Variants in DENND4A observed in about 807,000 individuals in gnomAD.
The protein encoded by DENND4A is C-myc promoter-binding protein.
DENND4A carries 70 observed loss-of-function variants against 199.3 expected under a neutral mutation model. The observed-to-expected ratio is 0.35, with a 90% CI of 0.29 to 0.43. The LOEUF (loss-of-function observed/expected upper bound fraction) is 0.43. Among genes scored for constraint, DENND4A ranks in the 20% least tolerant of loss-of-function variants. The pLI is 1.00. For missense variants in DENND4A, 1,723 were observed against 2,255.8 expected, an observed-to-expected ratio of 0.76 and a Z score of 4.78; for synonymous variants, 686 against 766.9, an observed-to-expected ratio of 0.89 and a Z score of 1.74.
In DENND4A at chr15:65,729,621, T is replaced by G; in HGVS notation, c.1224A>C (p.Leu408=). ...TATGTTCTGTTACTGCAAACACCAG[T>G]AGTGTCACAGCATTTTCAGGGCCTA... The part of the protein sequence containing the change: ...QNLGPENAVT[L]LVFAVTEHKI... Residue 408 remains leucine, a synonymous_variant, in exon 10 of 33, where the codon CTA becomes CTC. Coordinates refer to ENST00000443035, the MANE Select transcript of DENND4A (RefSeq NM_001320835.1). 1 of 1,578,046 alleles carries G rather than the reference T, an allele frequency of 6.3e-7. No individual in the cohort carries two copies.
At chr15:65,682,891 TC>T (rs1241188016) in intron 23 of DENND4A, among the ~76,000 whole-genome samples, 1 of 152,148 alleles carries the variant, frequency 6.6e-6, no homozygotes, top group African/African-American at 2.4e-5. Flanking sequence ...TGGTGGACAG[TC>T]AGAAATTACA....
chr15:65,721,855 A>T (rs570834396), intron 12 of DENND4A, among the ~76,000 whole-genome samples: 3 of 152,184 alleles, frequency 2.0e-5, no homozygotes, highest in South Asian at 4.1e-4. Flanking sequence ...CTGCTATAAT[A>T]CCAACAAGAT....
intron 1 of DENND4A, among the ~76,000 whole-genome samples, chr15:65,786,655 C>G (rs1878761368): frequency 6.6e-6 from 1 of 152,172 alleles, no homozygotes; most frequent in African/African-American, 2.4e-5. Context: ...ACACCTCTAT[C>G]ATCCCTATGT....
chr15:65,785,311 C>A (rs2140996719), intron 1 of DENND4A, among the ~76,000 whole-genome samples: 1 of 150,380 alleles, frequency 6.6e-6, no homozygotes, highest in African/African-American at 2.4e-5. Flanking sequence ...CATGGCAAAA[C>A]CTAGTCTCTA....
chr15:65,694,096 T>G (rs987376458), intron 22 of DENND4A, among the ~76,000 whole-genome samples: 5 of 152,166 alleles, frequency 3.3e-5, no homozygotes, highest in African/African-American at 1.2e-4. Context: ...AGAATTAAAC[T>G]TCTCTGTGGT....
Position 65,672,088 on chromosome 15 carries a change from C to T in DENND4A, c.4370-202G>A, listed in dbSNP as rs546017658. Among the ~76,000 whole-genome samples the T allele has an allele frequency of 3.3e-5, 5 of 152,270 alleles. No homozygotes were observed. The South Asian group carries it at 1.0e-3, about 32-fold the overall frequency. On this transcript the variant is annotated intron_variant, in intron 24 of 32. Coordinates refer to ENST00000443035, the MANE Select transcript of DENND4A (RefSeq NM_001320835.1). ...TTGAGCACAAACCTAAGGAAATGTGCTCTAATTCTGCTCATCCCCACATCT... is the reference window on the plus strand; with the variant it reads ...TTGAGCACAAACCTAAGGAAATGTGTTCTAATTCTGCTCATCCCCACATCT...
In DENND4A at chr15:65,706,191, T is replaced by TA. The variant is rs1196280512; in HGVS notation, c.1986dup (p.Ile663TyrfsTer5). The TA allele has an allele frequency of 6.3e-7, 1 of 1,596,058 alleles. No individual in the cohort carries two copies. Among genetic ancestry groups the TA allele is most frequent in the African/African-American group, 1.3e-5 (1 of 74,554 alleles). ...CTTTTGAAAGATTCATCCAGTTCTA[T>TA]AAGTCGTACTTCACCGCTCTTGTCC... On this transcript the variant is annotated frameshift_variant, in exon 15 of 33. Transcript: ENST00000443035. LOFTEE classifies it high-confidence loss of function.
intron 15 of DENND4A, chr15:65,705,874 T>C: frequency 4.9e-6 from 2 of 407,852 alleles, no homozygotes; most frequent in Non-Finnish European, 6.6e-6. Flanking sequence ...CAGACATCAT[T>C]AGAGAGCTTC....
intron 14 of DENND4A, among the ~76,000 whole-genome samples, chr15:65,707,600 C>T (rs1387881442): frequency 6.6e-6 from 1 of 151,676 alleles, no homozygotes; most frequent in Non-Finnish European, 1.5e-5. Flanking sequence ...AATTAGGACA[C>T]GATTCAGAAT....
chr15:65,666,625 A>G (rs2141849599), intron 29 of DENND4A, among the ~76,000 whole-genome samples: 1 of 152,224 alleles, frequency 6.6e-6, no homozygotes, highest in Admixed American at 6.5e-5. Context: ...AAAAAGTGTT[A>G]GGCTTGGGCT....
At chr15:65,791,722 A>G (rs1001898314) in intron 1 of DENND4A, among the ~76,000 whole-genome samples, 1 of 150,662 alleles carries the variant, frequency 6.6e-6, no homozygotes, top group Non-Finnish European at 1.5e-5. Context: ...CCAAATAACA[A>G]CAGCCCCAGG....
chr15:65,667,311 AGAGT>A (rs2076075668), intron 29 of DENND4A, 134 bp downstream of exon 29: 1 of 1,052,662 alleles, frequency 9.5e-7, no homozygotes, highest in Admixed American at 2.9e-5. Flanking sequence ...GCCTGGCGAA[AGAGT>A]GAGACTACGT....
intron 1 of DENND4A, among the ~76,000 whole-genome samples, chr15:65,779,299 T>C (rs1038691155): frequency 6.6e-6 from 1 of 150,920 alleles, no homozygotes; most frequent in Non-Finnish European, 1.5e-5. Flanking sequence ...CTACTAAAAA[T>C]AGAAAAATTA....
At chr15:65,786,837 T>G (rs1341033044) in intron 1 of DENND4A, among the ~76,000 whole-genome samples, 2 of 152,120 alleles carry the variant, frequency 1.3e-5, no homozygotes, top group Non-Finnish European at 2.9e-5. Context: ...ATATATATAG[T>G]TTATTAAAAG....
At chr15:65,663,199 T>TATA (rs36112677) in intron 32 of DENND4A, among the ~76,000 whole-genome samples, 29 of 101,728 alleles carry the variant, frequency 2.9e-4, no homozygotes, top group East Asian at 1.2e-3. Context: ...TATATATATA[T>TATA]TTTTTTTTTT....
At chr15:65,756,874 A>G (rs1467129547) in intron 2 of DENND4A, among the ~76,000 whole-genome samples, 1 of 152,066 alleles carries the variant, frequency 6.6e-6, no homozygotes, top group Non-Finnish European at 1.5e-5. Flanking sequence ...TGTCTCTACT[A>G]AAAATACCAA....
At chr15:65,706,495 CAT>C (rs1286110775) in intron 14 of DENND4A, among the ~76,000 whole-genome samples, 2,583 of 88,230 alleles carry the variant, frequency 0.029, 43 homozygotes, top group African/African-American at 0.039. Flanking sequence ...CACACACACA[CAT>C]ATATATATAT....
At chr15:65,669,975 AC>A in intron 26 of DENND4A, 37 bp downstream of exon 26, 1 of 1,602,208 alleles carries the variant, frequency 6.2e-7, no homozygotes, top group Non-Finnish European at 8.5e-7. Flanking sequence ...ATTATAGGGA[AC>A]ATGATCCTTA....
At chr15:65,729,512 A>G (rs575821568) in intron 10 of DENND4A, 22 bp downstream of exon 10, 1 of 1,592,664 alleles carries the variant, frequency 6.3e-7, no homozygotes, top group East Asian at 2.2e-5. Context: ...ATTGACTGCC[A>G]ATAAGAAACT....
Sources: gnomAD v4.1 joint callset for allele counts (sites outside exome capture counted in the v4.1 genomes callset) on GRCh38, gnomAD v4.1.1 for gene constraint, MANE v1.5 for transcripts, NCBI Gene and HGNC (gene_info 2026-07-23, HGNC 2026-07-21) for gene names.